Variants in MGRN1 observed in about 807,000 individuals in gnomAD.
MGRN1 encodes mahogunin ring finger 1, also known as E3 ubiquitin-protein ligase MGRN1.
Under a neutral mutation model 69.2 loss-of-function variants are expected in MGRN1, and 29 were observed. That is an observed-to-expected ratio of 0.42 (90% CI 0.31 to 0.57). The LOEUF is 0.57. Ranked by LOEUF, MGRN1 falls within the 20% of genes least tolerant of loss-of-function variation. The pLI is 0.15. For synonymous variants in MGRN1, 470 were observed against 344.2 expected (o/e 1.37, Z -4.04); for missense variants, 998 against 796.2 (o/e 1.25, Z -3.05).
At chr16:4,639,385 G>T (rs540881126) in intron 1 of MGRN1, among the ~76,000 whole-genome samples, 1 of 152,186 alleles carries the variant, frequency 6.6e-6, no homozygotes, top group Admixed American at 6.5e-5. Flanking sequence ...AAGGTGGGGC[G>T]GGGTGGGCAG....
At chr16:4,684,438 G>A (rs563627603) in intron 16 of MGRN1, among the ~76,000 whole-genome samples, 13 of 152,352 alleles carry the variant, frequency 8.5e-5, no homozygotes, top group African/African-American at 3.1e-4. Flanking sequence ...GGTAGCGGGG[G>A]CCCTGGGCCA....
At chr16:4,667,995 G>T (rs2078843358) in intron 7 of MGRN1, among the ~76,000 whole-genome samples, 1 of 152,170 alleles carries the variant, frequency 6.6e-6, no homozygotes, top group African/African-American at 2.4e-5. Context: ...CAACCGAGGA[G>T]AGTTGGGTTC....
chr16:4,681,154 G>A (rs841229), intron 12 of MGRN1, among the ~76,000 whole-genome samples: 71,390 of 152,108 alleles, frequency 0.47, 17,455 homozygotes, highest in East Asian at 0.65. Context: ...GGTCCAGGAC[G>A]CCCCTGACCG....
At chr16:4,654,012 A>G (rs1197843245) in intron 4 of MGRN1, among the ~76,000 whole-genome samples, 1 of 152,170 alleles carries the variant, frequency 6.6e-6, no homozygotes, top group Non-Finnish European at 1.5e-5. Flanking sequence ...TCGGCCTCCC[A>G]AAGTGCTGAG....
chr16:4,644,352 G>T (rs1413336297), intron 1 of MGRN1, among the ~76,000 whole-genome samples: 1 of 141,234 alleles, frequency 7.1e-6, no homozygotes, highest in African/African-American at 2.7e-5. Flanking sequence ...TTGTTGTCCA[G>T]GCTGGAGTGG....
chr16:4,670,869 C>T (rs1416252425), intron 8 of MGRN1, among the ~76,000 whole-genome samples: 1 of 152,204 alleles, frequency 6.6e-6, no homozygotes, highest in Non-Finnish European at 1.5e-5. Context: ...CTCTGGGAAA[C>T]CCAGCAGCAC....
chr16:4,672,111 G>C (rs563278285), intron 9 of MGRN1, among the ~76,000 whole-genome samples: 49 of 152,182 alleles, frequency 3.2e-4, no homozygotes, highest in African/African-American at 7.9e-4. Context: ...TCACCATGTT[G>C]GCCAGGATGG....
At chr16:4,686,371 G>A (rs1482427537) in intron 16 of MGRN1, 3 of 1,519,982 alleles carry the variant, frequency 2.0e-6, no homozygotes, top group Admixed American at 2.1e-5. Context: ...GCCCTCCCCT[G>A]CTCTCTGGCG....
rs58001283 is a variant in MGRN1, at chr16:4,669,431, C to CAAAAAAAAAAAAAAAA, written c.726+1121_726+1136dup. On this transcript the variant is annotated intron_variant, in intron 8 of 16. Coordinates refer to ENST00000262370, the MANE Select transcript of MGRN1 (RefSeq NM_015246.4). Reference sequence around the variant, plus strand: ...CCTGGGTGACAGAGGAAGACTGTGTCAAAAAAAAAAAAAAAAAGCTGTGCA... The same window carrying CAAAAAAAAAAAAAAAA: ...CCTGGGTGACAGAGGAAGACTGTGTCAAAAAAAAAAAAAAAAAAAAAAAAAAAAAAAAAGCTGTGCA... Among the ~76,000 whole-genome samples, 77 of 92,966 alleles carry CAAAAAAAAAAAAAAAA rather than the reference C, an allele frequency of 8.3e-4. 3 individuals are homozygous for CAAAAAAAAAAAAAAAA. Among genetic ancestry groups the CAAAAAAAAAAAAAAAA allele is most frequent in the African/African-American group, 2.9e-3 (70 of 24,168 alleles). 61.0% of individuals were successfully genotyped at this position (92,966 alleles called of 152,430 possible). A position where few individuals can be genotyped will look rare whatever the true frequency, so the allele number is the denominator to read the frequency against.
At chr16:4,659,427 A>C (rs985099748) in intron 5 of MGRN1, among the ~76,000 whole-genome samples, 1 of 151,932 alleles carries the variant, frequency 6.6e-6, no homozygotes, top group Non-Finnish European at 1.5e-5. Context: ...GAGCCCTGTG[A>C]GCCATGGGTT....
chr16:4,642,389 C>T (rs1434859184), intron 1 of MGRN1, among the ~76,000 whole-genome samples: 2 of 151,898 alleles, frequency 1.3e-5, no homozygotes, highest in Admixed American at 1.3e-4. Context: ...CCTTCGTCTC[C>T]TGAGTTCAAG....
intron 1 of MGRN1, among the ~76,000 whole-genome samples, chr16:4,641,084 C>A (rs2078145993): frequency 1.3e-5 from 2 of 152,262 alleles, no homozygotes; most frequent in African/African-American, 4.8e-5. Flanking sequence ...TTCCCACTCA[C>A]AGTCTCCTTT....
At chr16:4,686,977 T>A (rs2079336025) in intron 16 of MGRN1, 2 of 985,358 alleles carry the variant, frequency 2.0e-6, no homozygotes, top group African/African-American at 3.5e-5. Context: ...TCTTGCGTCC[T>A]GTCCTGAGGG....
intron 4 of MGRN1, among the ~76,000 whole-genome samples, chr16:4,656,113 G>A (rs1326512163): frequency 1.3e-5 from 2 of 152,238 alleles, no homozygotes; most frequent in Non-Finnish European, 2.9e-5. Flanking sequence ...CAAGCAGGGC[G>A]GTGGGGTGGA....
intron 12 of MGRN1, among the ~76,000 whole-genome samples, chr16:4,680,848 CT>C (rs2079167015): frequency 6.6e-6 from 1 of 152,248 alleles, no homozygotes; most frequent in Non-Finnish European, 1.5e-5. Flanking sequence ...ACCCATCTCA[CT>C]TTCCCCTTCC....
intron 11 of MGRN1, among the ~76,000 whole-genome samples, chr16:4,678,232 C>T (rs1315962170): frequency 6.6e-6 from 1 of 152,216 alleles, no homozygotes; most frequent in Non-Finnish European, 1.5e-5. Flanking sequence ...ACGCTCCAGG[C>T]CCACCAGGCG....
Position 4,681,530 on chromosome 16 carries a change from C to G in MGRN1, c.1132-20C>G. 6.2e-7 allele frequency: 1 copy of G among 1,601,774 alleles called. No homozygotes were observed. On this transcript the variant is annotated intron_variant, in intron 12 of 16. Coordinates refer to ENST00000262370, the MANE Select transcript of MGRN1 (RefSeq NM_015246.4). ...GGTGGTCCCTGGGCATGAGCCCCCTCACGCACCCTGTCCCTACAGAACTCT... is the reference window on the plus strand; with the variant it reads ...GGTGGTCCCTGGGCATGAGCCCCCTGACGCACCCTGTCCCTACAGAACTCT...
intron 5 of MGRN1, chr16:4,663,929 G>C (rs556116779): frequency 6.6e-6 from 1 of 152,452 alleles, no homozygotes; most frequent in Admixed American, 6.5e-5. Context: ...CCAGCCTCGT[G>C]GTCTCCCTTG....
intron 9 of MGRN1, among the ~76,000 whole-genome samples, chr16:4,672,835 T>G (rs924729305): frequency 3.3e-5 from 5 of 151,896 alleles, no homozygotes; most frequent in African/African-American, 9.7e-5. Context: ...TTGTTTTTTG[T>G]TTTTTTTGTT....
Sources: gnomAD v4.1 joint callset for allele counts (sites outside exome capture counted in the v4.1 genomes callset) on GRCh38, gnomAD v4.1.1 for gene constraint, MANE v1.5 for transcripts, NCBI Gene and HGNC (gene_info 2026-07-23, HGNC 2026-07-21) for gene names.